The following RACGAP1 variants were observed in gnomAD, a reference collection of about 807,000 sequenced individuals.
The protein encoded by RACGAP1 is Rac GTPase activating protein 1, also known as rac GTPase-activating protein 1.
Under a neutral mutation model 78.1 loss-of-function variants are expected in RACGAP1, and 30 were observed. The ratio of observed to expected loss-of-function variants is 0.38; its 90% CI spans 0.29 to 0.52. The LOEUF is 0.52. RACGAP1 is among the 20% of genes least tolerant of loss of function. The pLI is 0.82. For synonymous variants in RACGAP1, 231 were observed against 264.8 expected, an observed-to-expected ratio of 0.87 and a Z score of 1.24; for missense variants, 587 against 777.1, an observed-to-expected ratio of 0.76 and a Z score of 2.91.
rs1264135957 is a variant in RACGAP1, at chr12:50,021,012, ACT to A, written c.-4-4295_-4-4294del. ...AAAATATCTTTCTATATCAGTACTA[ACT>A]CTGATATCTCAGCCAAATTGTAACT... On this transcript the variant is annotated intron_variant, in intron 1 of 16. Transcript: ENST00000312377. 1.5e-5 allele frequency: 8 copies of A among 549,610 alleles called. No individual in the cohort carries two copies. The South Asian group carries it at 3.2e-4, about 22-fold the overall frequency. 34.0% of individuals were successfully genotyped at this position (549,610 alleles called of 1,614,324 possible).
intron 2 of RACGAP1, among the ~76,000 whole-genome samples, chr12:50,009,762 G>C (rs1949198579): frequency 6.6e-6 from 1 of 152,178 alleles, no homozygotes; most frequent in Non-Finnish European, 1.5e-5. Flanking sequence ...AAACCAGTCT[G>C]TCCCTGCCCC....
Position 49,999,207 on chromosome 12 carries a change from C to G in RACGAP1, c.813G>C (p.Glu271Asp), listed in dbSNP as rs1948497297. The change falls in exon 9 of 17, where the codon GAG (glutamate) becomes GAC (aspartate). Residue 271 changes from glutamate to aspartate, a missense_variant. Coordinates refer to ENST00000312377, the MANE Select transcript of RACGAP1 (RefSeq NM_001319999.2). ...TCTGTGGCGTGCCCACACTGTCTGT[C>G]TCAGTTCTTGGCTCCAGCTGCCTGC... ...LNSRQLEPRT[E>D]TDSVGTPQSN... 1 of 1,614,150 alleles carries G rather than the reference C, an allele frequency of 6.2e-7. No homozygotes were observed. The highest frequency in any genetic ancestry group is 8.5e-7 in the Non-Finnish European group (1 of 1,180,034).
chr12:50,008,555 C>G (rs1197272185), intron 2 of RACGAP1, among the ~76,000 whole-genome samples: 5 of 151,888 alleles, frequency 3.3e-5, no homozygotes, highest in Non-Finnish European at 2.9e-5. Flanking sequence ...TGCAGTAGCA[C>G]AATCTTGGCT....
intron 9 of RACGAP1, among the ~76,000 whole-genome samples, chr12:49,998,640 C>G (rs558657360): frequency 6.6e-6 from 1 of 152,218 alleles, no homozygotes; most frequent in South Asian, 2.1e-4. Flanking sequence ...TAGCTCATGC[C>G]TGTAATCCCA....
chr12:49,990,231 G>A lies in RACGAP1; in HGVS notation c.*37C>T, dbSNP rs370026006. The A allele has an allele frequency of 2.5e-5, 38 of 1,549,924 alleles. No homozygotes were observed. In the African/African-American group the frequency reaches 4.5e-4, roughly 18 times the overall value. On this transcript the variant is annotated 3_prime_UTR_variant, in exon 17 of 17. Coordinates refer to ENST00000312377, the MANE Select transcript of RACGAP1 (RefSeq NM_001319999.2). ...GAGTACAGATGTGTCCTTTCTTATA[G>A]TCAGTCAATGCTGGGAAGTAACAGG...
intron 1 of RACGAP1, among the ~76,000 whole-genome samples, chr12:50,032,133 G>A (rs927216544): frequency 1.3e-5 from 2 of 151,792 alleles, no homozygotes; most frequent in African/African-American, 2.4e-5. Context: ...GTGACACAGC[G>A]AGACTCTGTC....
intron 1 of RACGAP1, chr12:50,018,480 C>A: frequency 1.7e-6 from 2 of 1,190,462 alleles, no homozygotes; most frequent in Non-Finnish European, 2.2e-6. Context: ...CATGGAGATG[C>A]CATGGATTTA....
Position 50,009,242 on chromosome 12 carries a change from CAA to C in RACGAP1, c.86-2608_86-2607del, listed in dbSNP as rs397751749. Among the ~76,000 whole-genome samples the C allele has an allele frequency of 4.4e-3, 288 of 65,214 alleles. 1 individual carries two copies. Among genetic ancestry groups the C allele is most frequent in the Non-Finnish European group, 6.3e-3 (188 of 29,762 alleles). 42.8% of individuals were successfully genotyped at this position (65,214 alleles called of 152,430 possible). On this transcript the variant is annotated intron_variant, in intron 2 of 16. Coordinates refer to ENST00000312377, the MANE Select transcript of RACGAP1 (RefSeq NM_001319999.2). Reference sequence around the variant, plus strand: ...TGGGCAACAGAGTGAGATGCTGTCTCAAAAAAAAAAAAAAAAAAAAAGATTTA... The same window carrying C: ...TGGGCAACAGAGTGAGATGCTGTCTCAAAAAAAAAAAAAAAAAAAGATTTA...
At chr12:50,026,665 C>T (rs75369775), upstream of RACGAP1, among the ~76,000 whole-genome samples, 2 of 152,044 alleles carry the variant, frequency 1.3e-5, no homozygotes, top group African/African-American at 4.8e-5. Context: ...AATCACATCA[C>T]AAATTTTGTA....
chr12:49,990,742 G>C lies in RACGAP1; in HGVS notation c.1765C>G (p.Pro589Ala), dbSNP rs1947782894. 1 of 1,614,034 alleles carries C rather than the reference G, an allele frequency of 6.2e-7. No individual in the cohort carries two copies. The highest frequency in any genetic ancestry group is 1.3e-5 in the African/African-American group (1 of 75,024). The change falls in exon 16 of 17, where the codon CCT (proline) becomes GCT (alanine). Residue 589 changes from proline (P) to alanine (A), a missense_variant. Physicochemically the swap from Pro to Ala is conservative, Grantham distance 27 (BLOSUM62 -1). Transcript: ENST00000312377. ...CTCTGTGACAGGGAACTAGATGAAG[G>C]AGTCTTGAGAAGCTGATGTTCAGGA... ...TTPEHQLLKT[P>A]SSSSLSQRVR...
At chr12:50,031,244 A>G (rs1342811946) in intron 2 of RACGAP1, among the ~76,000 whole-genome samples, 4 of 151,202 alleles carry the variant, frequency 2.6e-5, no homozygotes, top group African/African-American at 9.7e-5. Flanking sequence ...TGGGAGGCTG[A>G]GGCAGGCGGA....
At chr12:50,007,298 T>C (rs946194877) in intron 2 of RACGAP1, among the ~76,000 whole-genome samples, 47 of 150,934 alleles carry the variant, frequency 3.1e-4, no homozygotes, top group African/African-American at 9.7e-4. Flanking sequence ...ACATCCCTGA[T>C]AGCAGAATGT....
At chr12:50,004,174 T>C in intron 5 of RACGAP1, 61 bp downstream of exon 5, 1 of 1,567,996 alleles carries the variant, frequency 6.4e-7, no homozygotes, top group Non-Finnish European at 8.7e-7. Context: ...ACAGGAGAGA[T>C]ATTCCTGGGG....
At chr12:50,033,321 C>A (rs1162676175), upstream of RACGAP1, among the ~76,000 whole-genome samples, 1 of 86,826 alleles carries the variant, frequency 1.2e-5, no homozygotes, top group East Asian at 3.1e-4. Context: ...GCGCAGAGTG[C>A]GGAGGTGGGG....
At chr12:49,999,371 C>A in intron 8 of RACGAP1, 100 bp from the exon 9 acceptor site, 1 of 1,434,738 alleles carries the variant, frequency 7.0e-7, no homozygotes, top group Non-Finnish European at 9.4e-7. Context: ...AATCTGTTAT[C>A]ATAGCCAAAA....
At chr12:50,023,969 G>A (rs991818139) in intron 1 of RACGAP1, among the ~76,000 whole-genome samples, 1 of 151,920 alleles carries the variant, frequency 6.6e-6, no homozygotes, top group Non-Finnish European at 1.5e-5. Context: ...AGACCATCCT[G>A]GCTAAAACGG....
At chr12:50,009,550 G>C (rs543382608) in intron 2 of RACGAP1, among the ~76,000 whole-genome samples, 4 of 151,768 alleles carry the variant, frequency 2.6e-5, no homozygotes, top group Non-Finnish European at 5.9e-5. Flanking sequence ...GCTTCTTAAA[G>C]ACAAAGACCC....
chr12:49,993,251 G>A (rs1481216102), intron 12 of RACGAP1, among the ~76,000 whole-genome samples: 1 of 152,194 alleles, frequency 6.6e-6, no homozygotes, highest in Non-Finnish European at 1.5e-5. Context: ...TAATGTAAGA[G>A]CATTCAGGTT....
chr12:49,999,792 T>C (rs1343572855), intron 7 of RACGAP1, 59 bp from the exon 8 acceptor site: 26 of 1,306,136 alleles, frequency 2.0e-5, no homozygotes, highest in Admixed American at 1.7e-4. Context: ...CCCTCCACTA[T>C]AGGGTATTTT....
Sources: gnomAD v4.1 joint callset for allele counts (sites outside exome capture counted in the v4.1 genomes callset) on GRCh38, gnomAD v4.1.1 for gene constraint, MANE v1.5 for transcripts, NCBI Gene and HGNC (gene_info 2026-07-23, HGNC 2026-07-21) for gene names.